GRAMD2A: variants seen among roughly 807,000 people sequenced by gnomAD.
GRAMD2A encodes the protein GRAM domain containing 2A.
In GRAMD2A, 37 loss-of-function variants were observed where a neutral mutation model predicts 51.1. The ratio of observed to expected loss-of-function variants is 0.72; its 90% confidence interval spans 0.56 to 0.95. GRAMD2A has a LOEUF of 0.95. Ranked by LOEUF, GRAMD2A falls within the 40% of genes least tolerant of loss-of-function variation. GRAMD2A has a pLI of 0.00. For synonymous variants in GRAMD2A, 136 were observed against 157.1 expected (o/e 0.87, Z 1.01); for missense variants, 414 against 426.9 (o/e 0.97, Z 0.27).
At chr15:72,187,817 T>G (rs12902661) in intron 1 of GRAMD2A, among the ~76,000 whole-genome samples, 32,815 of 152,138 alleles carry the variant, frequency 0.22, 3,723 homozygotes, top group East Asian at 0.41. Flanking sequence ...TCACTGTACC[T>G]GGCCATAATA....
chr15:72,163,798 C>T (rs367997704), intron 8 of GRAMD2A, 41 bp from the exon 9 acceptor site: 54 of 1,594,036 alleles, frequency 3.4e-5, no homozygotes, highest in Non-Finnish European at 4.2e-5. Flanking sequence ...ATGGCCCTTG[C>T]GATCTCACTT....
At chr15:72,183,711 G>A (rs2081715216) in intron 1 of GRAMD2A, among the ~76,000 whole-genome samples, 1 of 152,164 alleles carries the variant, frequency 6.6e-6, no homozygotes. Flanking sequence ...TAGAAAACCA[G>A]GTGTAAGGCT....
intron 8 of GRAMD2A, among the ~76,000 whole-genome samples, chr15:72,164,876 C>T (rs915710979): frequency 4.6e-5 from 7 of 152,150 alleles, no homozygotes; most frequent in Admixed American, 1.3e-4. Context: ...CGGTGGCTCA[C>T]GCCTATAATC....
At chr15:72,184,492 C>T (rs1020243746) in intron 1 of GRAMD2A, among the ~76,000 whole-genome samples, 7 of 152,222 alleles carry the variant, frequency 4.6e-5, no homozygotes, top group African/African-American at 1.2e-4. Flanking sequence ...GGAGCGCGCG[C>T]CCCTCTGAGC....
chr15:72,175,623 C>G (rs1216420338), intron 1 of GRAMD2A: 2 of 152,344 alleles, frequency 1.3e-5, no homozygotes, highest in East Asian at 1.9e-4. Context: ...CTCTGTGAAG[C>G]CTTCCTCAGT....
Position 72,184,650 on chromosome 15 carries a change from T to C in GRAMD2A, c.41+13081A>G, listed in dbSNP as rs76013981. Among the ~76,000 whole-genome samples the C allele has an allele frequency of 1.1e-4, 16 of 152,320 alleles. 1 individual carries two copies. The East Asian group carries it at 2.9e-3, about 28-fold the overall frequency. ...GCCGAGGGCTCAGATTCCTGACCAA[T>C]GACCTCGTCTTGAGGAGCTTGCTAG... On this transcript the variant is annotated intron_variant, in intron 1 of 11. Transcript: ENST00000309731.
chr15:72,165,201 G>C (rs2081528460), intron 8 of GRAMD2A, among the ~76,000 whole-genome samples, 153 bp downstream of exon 8: 1 of 152,196 alleles, frequency 6.6e-6, no homozygotes, highest in Non-Finnish European at 1.5e-5. Context: ...TTATGGTGTG[G>C]CAGGTTTAAG....
intron 8 of GRAMD2A, among the ~76,000 whole-genome samples, chr15:72,164,415 T>A (rs1391200554): frequency 1.3e-5 from 2 of 151,146 alleles, no homozygotes; most frequent in African/African-American, 4.9e-5. Context: ...TCTTTTATTT[T>A]TTTTTTTTTT....
rs2081565079 is a variant in GRAMD2A at position 72,167,834 on chromosome 15, A to G, written c.274T>C (p.Ser92Pro). ...PLEEVVLKVC[S>P]CALQRDFLLQ... ...AGGAAGTCCCTCTGGAGGGCACAGGAACACACTAGGATGTCACAGGAGAGA... is the reference window on the plus strand; with the variant it reads ...AGGAAGTCCCTCTGGAGGGCACAGGGACACACTAGGATGTCACAGGAGAGA... Residue 92 changes from serine to proline, a missense_variant, in exon 5 of 12, where the codon TCC becomes CCC. Coordinates refer to ENST00000309731, the MANE Select transcript of GRAMD2A (RefSeq NM_001012642.3). 9 of 1,611,986 alleles carry G rather than the reference A, an allele frequency of 5.6e-6. No homozygotes were observed. The highest frequency in any genetic ancestry group is 7.6e-6 in the Non-Finnish European group (9 of 1,178,106).
At chr15:72,187,493 A>C (rs1355452213) in intron 1 of GRAMD2A, among the ~76,000 whole-genome samples, 1 of 151,836 alleles carries the variant, frequency 6.6e-6, no homozygotes, top group Admixed American at 6.6e-5. Flanking sequence ...TAAAAAAAAA[A>C]CAACAGTAAA....
At position 72,170,705 on chromosome 15, in the gene GRAMD2A, A is replaced by G. The variant is rs1190268141; in HGVS notation, c.42-766T>C. ...TCCTGCTCCTCCAGGCTACACATCAATAAAGCCTGAGCCGTCAAGCCAGCC... is the reference window on the plus strand; with the variant it reads ...TCCTGCTCCTCCAGGCTACACATCAGTAAAGCCTGAGCCGTCAAGCCAGCC... On this transcript the variant is annotated intron_variant, in intron 1 of 11. Transcript: ENST00000309731. This position sits in a 1 kb window ranked among gnomAD's most constrained non-coding sequence, Gnocchi z 4.5. Among the ~76,000 whole-genome samples the G allele has an allele frequency of 6.6e-6, 1 of 152,164 alleles. No homozygotes were observed.
At chr15:72,183,491 G>A (rs985417098) in intron 1 of GRAMD2A, among the ~76,000 whole-genome samples, 1 of 151,700 alleles carries the variant, frequency 6.6e-6, no homozygotes, top group Non-Finnish European at 1.5e-5. Context: ...CTCCAGCCTG[G>A]GCGACAGAGC....
intron 1 of GRAMD2A, among the ~76,000 whole-genome samples, chr15:72,184,044 C>T (rs1178583813): frequency 1.3e-5 from 2 of 152,342 alleles, no homozygotes; most frequent in Middle Eastern, 3.4e-3. Context: ...CCCTCCCTCG[C>T]GGGAAAAGAC....
At chr15:72,182,730 G>T (rs1596694846) in intron 1 of GRAMD2A, among the ~76,000 whole-genome samples, 1 of 152,154 alleles carries the variant, frequency 6.6e-6, no homozygotes, top group East Asian at 1.9e-4. Flanking sequence ...CTTAAATTGG[G>T]TATCTAGAGT....
chr15:72,182,384 A>AAATT (rs1347462296), intron 1 of GRAMD2A, among the ~76,000 whole-genome samples: 36 of 151,462 alleles, frequency 2.4e-4, no homozygotes, highest in African/African-American at 8.2e-4. Flanking sequence ...AAAAAAAAAA[A>AAATT]ACCCAAAATT....
At chr15:72,195,920 CA>C (rs1054077783) in intron 1 of GRAMD2A, among the ~76,000 whole-genome samples, 1 of 150,006 alleles carries the variant, frequency 6.7e-6, no homozygotes, top group African/African-American at 2.5e-5. Context: ...AACTCCGTCT[CA>C]AAAAAAAAGA....
chr15:72,162,143 C>T, intron 11 of GRAMD2A, 130 bp downstream of exon 11: 5 of 1,363,930 alleles, frequency 3.7e-6, no homozygotes, highest in South Asian at 1.2e-5. Context: ...CTGCACGCTG[C>T]CCAACCTTGC....
intron 1 of GRAMD2A, among the ~76,000 whole-genome samples, chr15:72,177,246 A>G (rs1220684972): frequency 1.3e-5 from 2 of 152,200 alleles, no homozygotes; most frequent in Non-Finnish European, 1.5e-5. Flanking sequence ...TAGCATTTAA[A>G]TAACTATAGA....
intron 3 of GRAMD2A, 139 bp from the exon 4 acceptor site, chr15:72,168,705 G>A (rs912148444): frequency 1.3e-5 from 10 of 771,792 alleles, no homozygotes; most frequent in Admixed American, 2.0e-5. Context: ...AGCAGCCAGT[G>A]AGTATGGAGG....
Sources: allele counts gnomAD v4.1 joint callset (sites outside exome capture counted in the v4.1 genomes callset), GRCh38; gene constraint gnomAD v4.1.1; non-coding constraint Gnocchi (gnomAD v3.1); transcripts MANE v1.5; gene names NCBI Gene and HGNC (gene_info 2026-07-23, HGNC 2026-07-21).